Variants in CSMD1 observed in about 807,000 individuals in gnomAD.
CSMD1 encodes the protein CUB and Sushi multiple domains 1, also known as CUB and sushi domain-containing protein 1.
In CSMD1, 213 loss-of-function variants were observed where a neutral mutation model predicts 417.5. The observed-to-expected ratio is 0.51, with a 90% CI of 0.46 to 0.57. The LOEUF is 0.57. Ranked by LOEUF, CSMD1 falls within the 20% of genes least tolerant of loss-of-function variation. The probability of loss-of-function intolerance (pLI) is 0.00; values close to 1 mark genes in which losing one functional copy is unlikely to be tolerated. For missense variants in CSMD1, 6,923 were observed against 4,529.7 expected (o/e 1.53, Z -15.17); for synonymous variants, 2,862 against 1,736.8 (o/e 1.65, Z -16.11).
intron 5 of CSMD1, among the ~76,000 whole-genome samples, chr8:3,965,791 G>T (rs1242459418): frequency 6.6e-6 from 1 of 151,872 alleles, no homozygotes. Context: ...CTAATATTTT[G>T]TACCTTTAGT....
chr8:2,994,009 C>T (rs1234514988), intron 54 of CSMD1, among the ~76,000 whole-genome samples: 2 of 149,708 alleles, frequency 1.3e-5, no homozygotes, highest in African/African-American at 4.9e-5. Flanking sequence ...AAAAAATTAG[C>T]TGGACATATT....
intron 1 of CSMD1, among the ~76,000 whole-genome samples, chr8:4,721,181 T>C (rs1160393843): frequency 6.6e-6 from 1 of 152,186 alleles, no homozygotes; most frequent in African/African-American, 2.4e-5. Flanking sequence ...ACTATTGCGA[T>C]CCATATACTT....
At chr8:3,377,940 T>C (rs193074763) in intron 18 of CSMD1, among the ~76,000 whole-genome samples, 1 of 152,206 alleles carries the variant, frequency 6.6e-6, no homozygotes, top group Admixed American at 6.5e-5. Context: ...TGGAGCTGAA[T>C]ATTAAAAGAA....
intron 3 of CSMD1, among the ~76,000 whole-genome samples, chr8:4,283,674 C>G (rs982791448): frequency 5.3e-5 from 8 of 152,278 alleles, no homozygotes; most frequent in Middle Eastern, 3.4e-3. Context: ...CCTCAGTTTT[C>G]CACATTCACT....
At chr8:3,878,760 G>C (rs17067840) in intron 5 of CSMD1, among the ~76,000 whole-genome samples, 12,280 of 152,146 alleles carry the variant, frequency 0.081, 915 homozygotes, top group African/African-American at 0.2. Context: ...ATGTTGGACA[G>C]TTATGCTTCC....
intron 26 of CSMD1, among the ~76,000 whole-genome samples, chr8:3,251,083 C>G (rs1800219913): frequency 6.6e-6 from 1 of 152,072 alleles, no homozygotes; most frequent in Non-Finnish European, 1.5e-5. Flanking sequence ...TCCCGTTTGT[C>G]AATTTTGGGT....
intron 10 of CSMD1, among the ~76,000 whole-genome samples, chr8:3,507,467 G>A (rs1306077540): frequency 2.6e-5 from 4 of 152,118 alleles, no homozygotes; most frequent in African/African-American, 4.8e-5. Context: ...GTAAACATAC[G>A]TGTGCATGTG....
At position 4,992,455 on chromosome 8, in the gene CSMD1, C is replaced by A. The variant is rs1036188611; in HGVS notation, c.85+1877G>T. ...TGCCTGCCTGGAAAGGAGGAAGCCCCGGGCCCAGTTAGGCTTGGAGTGCAG... is the reference window on the plus strand; with the variant it reads ...TGCCTGCCTGGAAAGGAGGAAGCCCAGGGCCCAGTTAGGCTTGGAGTGCAG... On this transcript the variant is annotated intron_variant, in intron 1 of 69. Transcript: ENST00000635120. Among the ~76,000 whole-genome samples, 3 of 152,296 alleles carry A rather than the reference C, an allele frequency of 2.0e-5. No individual in the cohort carries two copies. The South Asian group carries it at 6.2e-4, about 32-fold the overall frequency.
At chr8:4,563,867 G>A (rs1397829321) in intron 2 of CSMD1, among the ~76,000 whole-genome samples, 2 of 152,132 alleles carry the variant, frequency 1.3e-5, no homozygotes, top group Non-Finnish European at 2.9e-5. Context: ...AAGACTTGGA[G>A]TTGCGAAGTA....
intron 1 of CSMD1, among the ~76,000 whole-genome samples, chr8:4,937,514 CA>C (rs888591610): frequency 5.3e-5 from 8 of 151,626 alleles, no homozygotes; most frequent in South Asian, 2.1e-4. Context: ...AGAATGGTGA[CA>C]AAAAAAACAA....
Position 4,006,979 on chromosome 8 carries a change from C to G in CSMD1, c.611-8869G>C, listed in dbSNP as rs188250278. On this transcript the variant is annotated intron_variant, in intron 4 of 69. Transcript: ENST00000635120. The stretch of plus-strand genomic sequence containing the variant: ...AGTAGCTGGGACTACAGGCACACAC[C>G]ACCACACCCGGCTAATTTTTGTGTG... Among the ~76,000 whole-genome samples the G allele has an allele frequency of 3.8e-3, 574 of 151,956 alleles. 4 individuals carry two copies. The highest frequency in any genetic ancestry group is 0.013 in the African/African-American group (540 of 41,436).
intron 3 of CSMD1, among the ~76,000 whole-genome samples, chr8:4,378,536 G>A (rs75765135): frequency 0.013 from 2,013 of 152,226 alleles, 39 homozygotes; most frequent in African/African-American, 0.044. Context: ...TGAAGTCACC[G>A]TGTGACCATT....
chr8:3,597,935 T>C (rs934752460), intron 8 of CSMD1, among the ~76,000 whole-genome samples: 4 of 152,308 alleles, frequency 2.6e-5, no homozygotes, highest in South Asian at 2.1e-4. Flanking sequence ...TATATACATA[T>C]GTAACAAACC....
intron 10 of CSMD1, among the ~76,000 whole-genome samples, chr8:3,544,701 G>A (rs183409725): frequency 1.3e-5 from 2 of 152,286 alleles, no homozygotes; most frequent in African/African-American, 4.8e-5. Flanking sequence ...AGGAGCCACA[G>A]AAGCTTGACT....
At chr8:4,122,897 C>T (rs777508105) in intron 3 of CSMD1, among the ~76,000 whole-genome samples, 1 of 152,166 alleles carries the variant, frequency 6.6e-6, no homozygotes, top group Non-Finnish European at 1.5e-5. Context: ...AAACTAATAG[C>T]TACGAGACCC....
chr8:3,316,794 G>T (rs1805799562), intron 23 of CSMD1, among the ~76,000 whole-genome samples: 1 of 152,200 alleles, frequency 6.6e-6, no homozygotes, highest in East Asian at 1.9e-4. Context: ...TCAGCGTGCA[G>T]TGGGGGGAAG....
intron 3 of CSMD1, among the ~76,000 whole-genome samples, chr8:4,335,508 C>T (rs1800114525): frequency 6.6e-6 from 1 of 152,078 alleles, no homozygotes; most frequent in Non-Finnish European, 1.5e-5. Context: ...CAAACGAAGT[C>T]ATCACCTGCC....
At chr8:3,393,161 G>T (rs13250557) in intron 17 of CSMD1, among the ~76,000 whole-genome samples, 62,673 of 151,978 alleles carry the variant, frequency 0.41, 13,286 homozygotes, top group Middle Eastern at 0.47. Flanking sequence ...AGAGGAATAG[G>T]TGACAAACCT....
At chr8:4,109,806 A>C (rs1801757843) in intron 3 of CSMD1, among the ~76,000 whole-genome samples, 1 of 152,178 alleles carries the variant, frequency 6.6e-6, no homozygotes, top group Non-Finnish European at 1.5e-5. Flanking sequence ...CTAAACAAAA[A>C]GGGTGTTACC....
Sources: allele counts gnomAD v4.1 joint callset (sites outside exome capture counted in the v4.1 genomes callset), GRCh38; gene constraint gnomAD v4.1.1; transcripts MANE v1.5; gene names NCBI Gene and HGNC (gene_info 2026-07-23, HGNC 2026-07-21).